SEZ6L: variants seen among roughly 807,000 people sequenced by gnomAD.
SEZ6L encodes seizure 6-like protein.
In SEZ6L, 37 loss-of-function variants were observed where a neutral mutation model predicts 106.2. The ratio of observed to expected loss-of-function variants is 0.35; its 90% CI spans 0.27 to 0.46. The LOEUF is 0.46. Ranked by LOEUF, SEZ6L falls within the 20% of genes least tolerant of loss-of-function variation. The pLI, the probability that SEZ6L is intolerant of heterozygous loss-of-function variation, is 1.00. For missense variants in SEZ6L, 1,172 were observed against 1,332.8 expected, an observed-to-expected ratio of 0.88 and a Z score of 1.88; for synonymous variants, 541 against 570.4, an observed-to-expected ratio of 0.95 and a Z score of 0.73.
In SEZ6L at chr22:26,292,890, C is replaced by T. The variant is rs767032690; in HGVS notation, c.579C>T (p.Val193=). Residue 193 remains valine, a synonymous_variant, in exon 2 of 17, where the codon GTC becomes GTT. Transcript: ENST00000248933. ...GGCTGGACCGAAAGGAGAGTGCGGTCCCTACAACACCCGCACCCCTGCAAA... is the reference window on the plus strand; with the variant it reads ...GGCTGGACCGAAAGGAGAGTGCGGTTCCTACAACACCCGCACCCCTGCAAA... The part of the protein sequence containing the change: ...PLWLDRKESA[V]PTTPAPLQIS... 37 of 1,614,040 alleles carry T rather than the reference C, an allele frequency of 2.3e-5. No individual in the cohort carries two copies. The highest frequency in any genetic ancestry group is 3.0e-5 in the Non-Finnish European group (35 of 1,180,012).
intron 9 of SEZ6L, among the ~76,000 whole-genome samples, chr22:26,333,993 A>AGT (rs879793202): frequency 1.3e-5 from 2 of 151,124 alleles, no homozygotes; most frequent in African/African-American, 2.4e-5. Context: ...TGGAAGAGAG[A>AGT]GAGTCAGAAA....
At position 26,306,081 on chromosome 22, in the gene SEZ6L, A is replaced by G. The variant is rs772849784; in HGVS notation, c.1451A>G (p.Glu484Gly). Residue 484 changes from glutamate to glycine, a missense_variant, in exon 6 of 17, where the codon GAA (glutamate) becomes GGA (glycine). Physicochemically the swap from Glu to Gly is moderately conservative, Grantham distance 98. Coordinates refer to ENST00000248933, the MANE Select transcript of SEZ6L (RefSeq NM_021115.5). ...NGSQFCIWTI[E>G]APEGQKLHLH... ...AGCCAATTCTGCATCTGGACGATTG[A>G]AGCTCCAGAGGGCCAGAAGCTGCAC... The G allele has an allele frequency of 1.2e-6, 2 of 1,614,148 alleles. No homozygotes were observed. Among genetic ancestry groups the G allele is most frequent in the Non-Finnish European group, 1.7e-6 (2 of 1,180,024 alleles).
chr22:26,260,193 G>C (rs2079953606), intron 1 of SEZ6L, among the ~76,000 whole-genome samples: 1 of 151,906 alleles, frequency 6.6e-6, no homozygotes, highest in Non-Finnish European at 1.5e-5. Context: ...GGTTACATTA[G>C]TAAGTTCTTC....
intron 16 of SEZ6L, among the ~76,000 whole-genome samples, chr22:26,379,756 G>A (rs1184944142): frequency 6.6e-6 from 1 of 152,226 alleles, no homozygotes; most frequent in East Asian, 1.9e-4. Context: ...AAATAAAGGA[G>A]AATTTTAGAG....
At chr22:26,347,443 G>A (rs148677092) in intron 10 of SEZ6L, among the ~76,000 whole-genome samples, 8 of 152,080 alleles carry the variant, frequency 5.3e-5, no homozygotes, top group South Asian at 2.1e-4. Flanking sequence ...CCGTCACACC[G>A]TTAATAAGTG....
intron 6 of SEZ6L, among the ~76,000 whole-genome samples, chr22:26,307,698 ACT>A (rs10563711): frequency 0.21 from 32,111 of 151,814 alleles, 3,691 homozygotes; most frequent in Non-Finnish European, 0.26. Context: ...TCTTCTGGAG[ACT>A]CTGAAAATCT....
intron 6 of SEZ6L, 70 bp from the exon 7 acceptor site, chr22:26,310,600 T>G: frequency 6.5e-7 from 1 of 1,537,884 alleles, no homozygotes; most frequent in Non-Finnish European, 8.9e-7. Context: ...TCGTAGCACA[T>G]CCCTTCCTCT....
At chr22:26,327,319 ACCACACACACCC>A (rs888172077) in intron 9 of SEZ6L, among the ~76,000 whole-genome samples, 3 of 140,536 alleles carry the variant, frequency 2.1e-5, no homozygotes, top group African/African-American at 8.0e-5. Flanking sequence ...CACTACACAC[ACCACACACACCC>A]CCACACACAC....
intron 4 of SEZ6L, among the ~76,000 whole-genome samples, chr22:26,298,296 G>GTT (rs1263671041): frequency 6.6e-6 from 1 of 152,180 alleles, no homozygotes; most frequent in Non-Finnish European, 1.5e-5. Flanking sequence ...ATGGTCTAGG[G>GTT]TGAAGAAGCT....
At chr22:26,189,826 G>A (rs898656126) in intron 1 of SEZ6L, among the ~76,000 whole-genome samples, 4 of 152,152 alleles carry the variant, frequency 2.6e-5, no homozygotes, top group African/African-American at 7.2e-5. Context: ...CACCAGGTGC[G>A]GTGGCTCACG....
intron 10 of SEZ6L, among the ~76,000 whole-genome samples, chr22:26,342,059 C>T (rs2082853911): frequency 6.6e-6 from 1 of 152,222 alleles, no homozygotes; most frequent in East Asian, 1.9e-4. Context: ...CATGCTTCCT[C>T]ATCCCTAGCT....
intron 1 of SEZ6L, among the ~76,000 whole-genome samples, chr22:26,207,208 G>A (rs1193151773): frequency 1.3e-5 from 2 of 152,144 alleles, no homozygotes; most frequent in African/African-American, 4.8e-5. Flanking sequence ...AGATAACTGG[G>A]AAGGAGAAGG....
At chr22:26,323,413 G>A (rs997290884) in intron 9 of SEZ6L, among the ~76,000 whole-genome samples, 7 of 152,146 alleles carry the variant, frequency 4.6e-5, no homozygotes, top group African/African-American at 7.2e-5. Context: ...TGGGAGGATC[G>A]CTTGAGCCCA....
intron 12 of SEZ6L, among the ~76,000 whole-genome samples, chr22:26,356,955 C>CTT (rs35417367): frequency 8.1e-4 from 116 of 143,490 alleles, no homozygotes; most frequent in African/African-American, 2.0e-3. Flanking sequence ...TTCCTCAGAA[C>CTT]TTTTTTTTTT....
At chr22:26,182,508 T>G (rs2123779805) in intron 1 of SEZ6L, among the ~76,000 whole-genome samples, 1 of 152,266 alleles carries the variant, frequency 6.6e-6, no homozygotes, top group African/African-American at 2.4e-5. Flanking sequence ...GAATTTTTGA[T>G]CAAGAGCTTA....
chr22:26,377,850 T>C, intron 16 of SEZ6L, 75 bp downstream of exon 16: 2 of 1,134,218 alleles, frequency 1.8e-6, no homozygotes, highest in Non-Finnish European at 1.3e-6. Context: ...AGACAAAACA[T>C]TTCATTTCCT....
Position 26,198,572 on chromosome 22 carries a change from A to G in SEZ6L, c.94+28809A>G, listed in dbSNP as rs141208509. ...TATAAATAATAGAAATCTGCTTCTCACAGTTCTAGATGCTGGCATTGGCAG... is the reference window on the plus strand; with the variant it reads ...TATAAATAATAGAAATCTGCTTCTCGCAGTTCTAGATGCTGGCATTGGCAG... On this transcript the variant is annotated intron_variant, in intron 1 of 16. Coordinates refer to ENST00000248933, the MANE Select transcript of SEZ6L (RefSeq NM_021115.5). Among the ~76,000 whole-genome samples the G allele has an allele frequency of 3.2e-3, 489 of 152,338 alleles. 2 individuals are homozygous for G. The highest frequency in any genetic ancestry group is 6.8e-3 in the Admixed American group (104 of 15,306).
intron 9 of SEZ6L, among the ~76,000 whole-genome samples, chr22:26,329,717 T>C (rs149849334): frequency 6.6e-5 from 10 of 152,360 alleles, no homozygotes; most frequent in African/African-American, 2.2e-4. Context: ...ACAGAGGCCT[T>C]AGGACCTGGG....
intron 1 of SEZ6L, among the ~76,000 whole-genome samples, chr22:26,281,266 A>C (rs1193293576): frequency 2.0e-5 from 3 of 152,176 alleles, no homozygotes; most frequent in Non-Finnish European, 4.4e-5. Context: ...CACGTAATGC[A>C]CTGCGTCACT....
Sources: allele counts gnomAD v4.1 joint callset (sites outside exome capture counted in the v4.1 genomes callset), GRCh38; gene constraint gnomAD v4.1.1; transcripts MANE v1.5; gene names NCBI Gene and HGNC (gene_info 2026-07-23, HGNC 2026-07-21).